PABPC4L: variants seen among roughly 807,000 people sequenced by gnomAD.
The protein encoded by PABPC4L is poly(A) binding protein cytoplasmic 4 like, also known as polyadenylate-binding protein 4-like.
For synonymous variants in PABPC4L, 169 were observed against 164.1 expected (o/e 1.03, Z -0.23); for missense variants, 452 against 451.4 (o/e 1.00, Z -0.01).
the PABPC4L span, among the ~76,000 whole-genome samples, chr4:134,162,831 A>T: frequency 6.6e-6 from 1 of 152,128 alleles, no homozygotes; most frequent in Non-Finnish European, 1.5e-5. Flanking sequence ...ACTGTGAGAC[A>T]AGGTATAAAG....
At chr4:134,088,891 A>C in the PABPC4L span, among the ~76,000 whole-genome samples, 1 of 152,138 alleles carries the variant, frequency 6.6e-6, no homozygotes, top group African/African-American at 2.4e-5. Flanking sequence ...ATAAACAATA[A>C]AAAATAGAAC....
At chr4:134,066,448 C>A in the PABPC4L span, among the ~76,000 whole-genome samples, 196 of 152,160 alleles carry the variant, frequency 1.3e-3, no homozygotes, top group African/African-American at 4.6e-3. Context: ...TTTGGGCAGA[C>A]TATTCGGTGT....
At chr4:134,076,747 G>C in the PABPC4L span, among the ~76,000 whole-genome samples, 1 of 151,972 alleles carries the variant, frequency 6.6e-6, no homozygotes, top group Non-Finnish European at 1.5e-5. Context: ...GCTTTGAGGG[G>C]ACAACTGTTA....
At chr4:134,053,919 C>A in the PABPC4L span, among the ~76,000 whole-genome samples, 1 of 151,684 alleles carries the variant, frequency 6.6e-6, no homozygotes, top group African/African-American at 2.4e-5. Flanking sequence ...ACCTACCTTG[C>A]CTTTTTAGTG....
chr4:134,004,096 A>C, the PABPC4L span, among the ~76,000 whole-genome samples: 2 of 151,764 alleles, frequency 1.3e-5, no homozygotes, highest in African/African-American at 4.8e-5. Flanking sequence ...GATTTTTTGG[A>C]TAATACCTCA....
At chr4:134,016,788 A>G in the PABPC4L span, among the ~76,000 whole-genome samples, 3 of 152,106 alleles carry the variant, frequency 2.0e-5, no homozygotes, top group African/African-American at 7.2e-5. Flanking sequence ...ATCCTCATGG[A>G]GATCACTTCT....
chr4:134,015,894 C>A, the PABPC4L span, among the ~76,000 whole-genome samples: 1 of 152,128 alleles, frequency 6.6e-6, no homozygotes, highest in Non-Finnish European at 1.5e-5. Flanking sequence ...GTTCTCATAA[C>A]TTCCAAAATC....
At chr4:133,949,546 A>G in the PABPC4L span, among the ~76,000 whole-genome samples, 59 of 152,216 alleles carry the variant, frequency 3.9e-4, no homozygotes, top group Non-Finnish European at 7.2e-4. Flanking sequence ...TCCTTAAGTG[A>G]TTTATACATT....
At chr4:134,119,463 A>G in the PABPC4L span, among the ~76,000 whole-genome samples, 1 of 151,752 alleles carries the variant, frequency 6.6e-6, no homozygotes, top group Admixed American at 6.6e-5. Context: ...GTGGGGGGAA[A>G]TAATGTGAGA....
chr4:134,000,400 G>A, the PABPC4L span, among the ~76,000 whole-genome samples: 1 of 152,226 alleles, frequency 6.6e-6, no homozygotes, highest in East Asian at 1.9e-4. Context: ...ATAGGAAACA[G>A]TTACTGGTAC....
chr4:134,012,332 T>G, the PABPC4L span, among the ~76,000 whole-genome samples: 1 of 152,110 alleles, frequency 6.6e-6, no homozygotes, highest in African/African-American at 2.4e-5. Context: ...GAAAATGGCC[T>G]GTTCCTGCCT....
the PABPC4L span, among the ~76,000 whole-genome samples, chr4:134,092,310 G>A: frequency 5.3e-5 from 8 of 152,018 alleles, no homozygotes; most frequent in African/African-American, 1.9e-4. Context: ...GAGAAGAAAA[G>A]AGAGTAAGTG....
At chr4:134,124,583 A>G in the PABPC4L span, among the ~76,000 whole-genome samples, 1 of 152,012 alleles carries the variant, frequency 6.6e-6, no homozygotes, top group African/African-American at 2.4e-5. Context: ...ATTTCTTTCT[A>G]TATTTTGACT....
At chr4:133,962,108 C>T in the PABPC4L span, among the ~76,000 whole-genome samples, 24 of 152,132 alleles carry the variant, frequency 1.6e-4, no homozygotes, top group African/African-American at 5.6e-4. Flanking sequence ...GGGAATTCCC[C>T]GTGGGACAAA....
chr4:134,127,695 A>G, the PABPC4L span, among the ~76,000 whole-genome samples: 1 of 152,080 alleles, frequency 6.6e-6, no homozygotes, highest in Non-Finnish European at 1.5e-5. Context: ...GTCTACCCAA[A>G]TGAGAAAGAA....
At chr4:133,957,548 G>A in the PABPC4L span, among the ~76,000 whole-genome samples, 1 of 152,206 alleles carries the variant, frequency 6.6e-6, no homozygotes, top group East Asian at 1.9e-4. Flanking sequence ...CTAGAGGACA[G>A]TGGCCCTCTT....
chr4:134,071,608 T>G, the PABPC4L span, among the ~76,000 whole-genome samples: 1 of 152,078 alleles, frequency 6.6e-6, no homozygotes, highest in Non-Finnish European at 1.5e-5. Flanking sequence ...AATGAAATAG[T>G]GGGGAGTGAC....
At chr4:134,171,143 T>C in the PABPC4L span, among the ~76,000 whole-genome samples, 1 of 152,112 alleles carries the variant, frequency 6.6e-6, no homozygotes, top group East Asian at 1.9e-4. Context: ...TGCACTCTTT[T>C]TTGGCTCTGT....
At chr4:134,148,247 T>C in the PABPC4L span, among the ~76,000 whole-genome samples, 1 of 152,134 alleles carries the variant, frequency 6.6e-6, no homozygotes, top group Non-Finnish European at 1.5e-5. Context: ...CTTACATTGC[T>C]CAGAACCCCC....
Sources: gnomAD v4.1 joint callset for allele counts (sites outside exome capture counted in the v4.1 genomes callset) on GRCh38, gnomAD v4.1.1 for gene constraint, MANE v1.5 for transcripts, NCBI Gene and HGNC (gene_info 2026-07-23, HGNC 2026-07-21) for gene names.